Variants in SDC3 observed in about 807,000 individuals in gnomAD.
SDC3 encodes syndecan 3.
SDC3 carries 13 observed loss-of-function variants against 24.4 expected under a neutral mutation model. The observed-to-expected ratio is 0.53, with a 90% CI of 0.35 to 0.85. SDC3 has a LOEUF of 0.85. Ranked by LOEUF, SDC3 falls within the 40% of genes least tolerant of loss-of-function variation. The probability of loss-of-function intolerance (pLI) is 0.01; values close to 1 mark genes in which losing one functional copy is unlikely to be tolerated. For synonymous variants in SDC3, 295 were observed against 260.9 expected (o/e 1.13, Z -1.26); for missense variants, 571 against 584.5 (o/e 0.98, Z 0.24).
chr1:30,891,103 C>A (rs965048353), intron 1 of SDC3, among the ~76,000 whole-genome samples: 6 of 152,342 alleles, frequency 3.9e-5, no homozygotes, highest in Admixed American at 1.3e-4. Flanking sequence ...CCCACCCCAC[C>A]CTTTGACCAT....
Position 30,878,547 on chromosome 1 carries a change from C to T in SDC3, c.256+76G>A, listed in dbSNP as rs74065516. 8.7e-3 allele frequency: 10,548 copies of T among 1,218,174 alleles called. 659 individuals carry two copies. The African/African-American group carries it at 0.13, about 15-fold the overall frequency. The allele number at this position is 1,218,174 out of a possible 1,614,324, so 75.5% of individuals were successfully genotyped here. Reference sequence around the variant, plus strand: ...CCCTGCCTCACTGAAGCAAGCCCCCCGTGGGCTTCTCAGAGTTGAGGCTGG... The same window carrying T: ...CCCTGCCTCACTGAAGCAAGCCCCCTGTGGGCTTCTCAGAGTTGAGGCTGG... On this transcript the variant is annotated intron_variant, in intron 2 of 4. Transcript: ENST00000339394.
At chr1:30,873,677 T>C (rs1323954837) in intron 4 of SDC3, among the ~76,000 whole-genome samples, 2 of 152,122 alleles carry the variant, frequency 1.3e-5, no homozygotes, top group Non-Finnish European at 2.9e-5. Context: ...CCCAGTATTT[T>C]ATAACTGCTA....
chr1:30,897,186 C>A (rs1016911090), intron 1 of SDC3, among the ~76,000 whole-genome samples: 5 of 152,188 alleles, frequency 3.3e-5, no homozygotes, highest in Non-Finnish European at 7.3e-5. Context: ...GGGGATAGTG[C>A]CCTGCCCAGG....
intron 1 of SDC3, among the ~76,000 whole-genome samples, chr1:30,880,312 A>C (rs1389862928): frequency 7.0e-6 from 1 of 142,608 alleles, no homozygotes; most frequent in East Asian, 2.3e-4. Context: ...GGAGGCAGAG[A>C]CAGAGACGGT....
In SDC3 at chr1:30,876,673, C is replaced by T. The variant is rs999021557; in HGVS notation, c.749G>A (p.Ser250Asn). The T allele has an allele frequency of 6.2e-7, 1 of 1,602,328 alleles. No homozygotes were observed. The highest frequency in any genetic ancestry group is 8.5e-7 in the Non-Finnish European group (1 of 1,174,162). Residue 250 changes from serine (S) to asparagine (N), a missense_variant, in exon 3 of 5, where the codon AGC becomes AAC. Transcript: ENST00000339394. ...DTEAPTPRLV[S>N]TATSRPRALP... is the part of the protein sequence containing the mutation. ...GGCTCTTGGCCGGGAGGTAGCTGTG[C>T]TGACCAGCCTGGGTGTTGGGGCCTC...
intron 1 of SDC3, 87 bp downstream of exon 1, chr1:30,908,362 G>A: frequency 2.5e-6 from 2 of 786,438 alleles, no homozygotes; most frequent in Non-Finnish European, 3.1e-6. Flanking sequence ...CGGGGTCCCG[G>A]AGGGGGGGTC....
At chr1:30,883,853 C>T (rs1211119151) in intron 1 of SDC3, among the ~76,000 whole-genome samples, 8 of 152,142 alleles carry the variant, frequency 5.3e-5, no homozygotes, top group Non-Finnish European at 1.0e-4. Flanking sequence ...CTACTAGCTC[C>T]TCGAGGCAGG....
intron 1 of SDC3, among the ~76,000 whole-genome samples, chr1:30,901,114 G>T (rs1360895935): frequency 6.6e-6 from 1 of 152,192 alleles, no homozygotes; most frequent in African/African-American, 2.4e-5. Context: ...TGCTTTGGCA[G>T]GTGGCCTAAC....
At chr1:30,896,929 C>G (rs1298392257) in intron 1 of SDC3, among the ~76,000 whole-genome samples, 1 of 152,166 alleles carries the variant, frequency 6.6e-6, no homozygotes, top group African/African-American at 2.4e-5. Context: ...CACCACTGCA[C>G]TCCAATCTGG....
chr1:30,879,037 AG>A (rs1280584789), intron 1 of SDC3: 2 of 328,684 alleles, frequency 6.1e-6, no homozygotes, highest in Non-Finnish European at 1.2e-5. Context: ...AACTAAATTC[AG>A]TGGTTCAGTA....
At chr1:30,888,047 G>A (rs959493369) in intron 1 of SDC3, among the ~76,000 whole-genome samples, 2 of 152,056 alleles carry the variant, frequency 1.3e-5, no homozygotes, top group African/African-American at 4.8e-5. Flanking sequence ...CAGATCAGTG[G>A]GCTCCCAGTG....
chr1:30,872,059 G>A lies in SDC3; in HGVS notation c.*1152C>T, dbSNP rs1012919609. The A allele has an allele frequency of 6.6e-6, 1 of 152,400 alleles. No individual in the cohort carries two copies. Among genetic ancestry groups the A allele is most frequent in the Non-Finnish European group, 1.5e-5 (1 of 68,142 alleles). 9.4% of individuals were successfully genotyped at this position (152,400 alleles called of 1,614,324 possible). A position where few individuals can be genotyped will look rare whatever the true frequency, so the allele number is the denominator to read the frequency against. On this transcript the variant is annotated 3_prime_UTR_variant, in exon 5 of 5. Coordinates refer to ENST00000339394, the MANE Select transcript of SDC3 (RefSeq NM_014654.4). Reference sequence around the variant, plus strand: ...ATTGAGAGCAGGTCATGTGGAGTGAGACTGTGCATCCACATGGGATTGTGT... The same window carrying A: ...ATTGAGAGCAGGTCATGTGGAGTGAAACTGTGCATCCACATGGGATTGTGT...
chr1:30,893,178 G>C (rs560230647), intron 1 of SDC3, among the ~76,000 whole-genome samples: 1 of 151,800 alleles, frequency 6.6e-6, no homozygotes, highest in Non-Finnish European at 1.5e-5. Flanking sequence ...CAGGGGAATC[G>C]GCCCATGCAA....
At position 30,871,854 on chromosome 1, in the gene SDC3, A is replaced by T. The variant is rs561888787; in HGVS notation, c.*1357T>A. The T allele has an allele frequency of 6.6e-6, 1 of 152,306 alleles. No individual in the cohort carries two copies. The highest frequency in any genetic ancestry group is 6.5e-5 in the Admixed American group (1 of 15,282). The allele number at this position is 152,306 out of a possible 1,614,324, so 9.4% of individuals were successfully genotyped here. On this transcript the variant is annotated 3_prime_UTR_variant, in exon 5 of 5. Coordinates refer to ENST00000339394, the MANE Select transcript of SDC3 (RefSeq NM_014654.4). ...GGGCCAAATTTCCTTCCTCAGCCTTAGAGGAGCCCCCAGGCTCCCAGCTAG... is the reference window on the plus strand; with the variant it reads ...GGGCCAAATTTCCTTCCTCAGCCTTTGAGGAGCCCCCAGGCTCCCAGCTAG...
intron 1 of SDC3, among the ~76,000 whole-genome samples, chr1:30,906,974 C>T (rs1306977988): frequency 3.3e-5 from 5 of 152,188 alleles, no homozygotes; most frequent in African/African-American, 1.2e-4. Flanking sequence ...CTCAACACTT[C>T]CCCTCCCTCC....
At position 30,869,996 on chromosome 1, in the gene SDC3, TAC is replaced by T. The variant is rs1639504630; in HGVS notation, c.*3213_*3214del. On this transcript the variant is annotated 3_prime_UTR_variant, in exon 5 of 5. Transcript: ENST00000339394. ...CAGTCTCGATGCCTCTGTAAATCTG[TAC>T]AGTTTGCGGGCTTCTATTTACAGGC... 7.5e-6 allele frequency: 3 copies of T among 397,842 alleles called. No individual in the cohort carries two copies. The highest frequency in any genetic ancestry group is 1.3e-5 in the Non-Finnish European group (3 of 226,048). 24.6% of individuals were successfully genotyped at this position (397,842 alleles called of 1,614,324 possible).
intron 2 of SDC3, chr1:30,877,589 C>A (rs907519200): frequency 6.3e-6 from 2 of 319,196 alleles, no homozygotes; most frequent in East Asian, 5.3e-5. Context: ...AGGGGTGGTA[C>A]ACTAAGGGCT....
rs1196158330 is a variant in SDC3, at chr1:30,872,680, A to G, written c.*531T>C. 6.4e-6 allele frequency: 1 copy of G among 156,644 alleles called. No homozygotes were observed. Among genetic ancestry groups the G allele is most frequent in the East Asian group, 1.9e-4 (1 of 5,308 alleles). The allele number at this position is 156,644 out of a possible 1,614,324, so 9.7% of individuals were successfully genotyped here. A position where few individuals can be genotyped will look rare whatever the true frequency, so the allele number is the denominator to read the frequency against. ...AACAACCCCAGAGAGACCAGGACAA[A>G]ACAGGCTGGTGACAAGGGACACCCT... On this transcript the variant is annotated 3_prime_UTR_variant, in exon 5 of 5. Transcript: ENST00000339394.
At chr1:30,904,805 C>T (rs1008850938) in intron 1 of SDC3, among the ~76,000 whole-genome samples, 1 of 152,180 alleles carries the variant, frequency 6.6e-6, no homozygotes, top group African/African-American at 2.4e-5. Flanking sequence ...CTTCCCTGAC[C>T]CCATCCATGC....
Sources: gnomAD v4.1 joint callset for allele counts (sites outside exome capture counted in the v4.1 genomes callset) on GRCh38, gnomAD v4.1.1 for gene constraint, MANE v1.5 for transcripts, NCBI Gene and HGNC (gene_info 2026-07-23, HGNC 2026-07-21) for gene names.